The following SLC9A8 variants were observed in gnomAD, a reference collection of about 807,000 sequenced individuals.
The protein encoded by SLC9A8 is solute carrier family 9 member A8.
Under a neutral mutation model 66.6 loss-of-function variants are expected in SLC9A8, and 48 were observed. The ratio of observed to expected loss-of-function variants is 0.72; its 90% CI spans 0.57 to 0.92. The LOEUF is 0.92. SLC9A8 is among the 40% of genes least tolerant of loss of function. The pLI, the probability that SLC9A8 is intolerant of heterozygous loss-of-function variation, is 0.00. For synonymous variants in SLC9A8, 274 were observed against 282.6 expected (o/e 0.97, Z 0.31); for missense variants, 599 against 747.3 (o/e 0.80, Z 2.31).
intron 2 of SLC9A8, among the ~76,000 whole-genome samples, chr20:49,816,538 A>G (rs957235947): frequency 4.6e-5 from 7 of 152,214 alleles, no homozygotes; most frequent in Admixed American, 2.6e-4. Context: ...ATATAAGACT[A>G]GAGACTGATA....
intron 3 of SLC9A8, among the ~76,000 whole-genome samples, chr20:49,827,646 C>T (rs1244096862): frequency 1.3e-5 from 2 of 151,026 alleles, no homozygotes; most frequent in South Asian, 2.1e-4. Flanking sequence ...TACTTGTAAG[C>T]GTATGGCCAG....
rs1188775227 is a variant in SLC9A8, at chr20:49,886,571, T to C, written c.1492-181T>C. 3.0e-5 allele frequency: 19 copies of C among 639,992 alleles called. No homozygotes were observed. 39.6% of individuals were successfully genotyped at this position (639,992 alleles called of 1,614,324 possible). ...GTCCTGGGCATCCATTGTGCCCTGA[T>C]GGACGTTCCTGCCTCCCTGCAGGCT... On this transcript the variant is annotated intron_variant, in intron 14 of 15. Coordinates refer to ENST00000361573, the MANE Select transcript of SLC9A8 (RefSeq NM_015266.3). This position sits in a 1 kb window ranked among gnomAD's most constrained non-coding sequence, Gnocchi z 4.8.
At chr20:49,885,406 G>A (rs2089854352) in intron 14 of SLC9A8, among the ~76,000 whole-genome samples, 1 of 152,174 alleles carries the variant, frequency 6.6e-6, no homozygotes, top group African/African-American at 2.4e-5. Flanking sequence ...GCCCACTGCA[G>A]CCCAGACCTC....
At chr20:49,845,989 C>A (rs1367450798) in intron 5 of SLC9A8, among the ~76,000 whole-genome samples, 1 of 152,192 alleles carries the variant, frequency 6.6e-6, no homozygotes, top group Non-Finnish European at 1.5e-5. Context: ...CACACGCCAC[C>A]TTGCCCGGCT....
intron 1 of SLC9A8, among the ~76,000 whole-genome samples, chr20:49,813,176 A>G (rs535753702): frequency 1.8e-4 from 28 of 152,358 alleles, no homozygotes; most frequent in African/African-American, 6.5e-4. Context: ...TCTACTGCCC[A>G]GCGCAGGCCC....
At chr20:49,844,966 C>T (rs1196996423) in intron 4 of SLC9A8, 70 bp from the exon 5 acceptor site, 3 of 1,126,194 alleles carry the variant, frequency 2.7e-6, no homozygotes, top group African/African-American at 1.5e-5. Context: ...TATTTTGGCT[C>T]TTTATTGATT....
intron 8 of SLC9A8, among the ~76,000 whole-genome samples, chr20:49,859,482 C>CTT (rs3092482): frequency 1.9e-4 from 28 of 143,656 alleles, no homozygotes; most frequent in African/African-American, 7.1e-4. Flanking sequence ...CCCCCTCCAC[C>CTT]TTTTTTTTTT....
At chr20:49,883,311 G>A (rs1032891932) in intron 13 of SLC9A8, among the ~76,000 whole-genome samples, 6 of 152,144 alleles carry the variant, frequency 3.9e-5, no homozygotes, top group African/African-American at 1.2e-4. Context: ...ACAGCATCTC[G>A]AGATAGGAGG....
chr20:49,856,715 C>T (rs1197495776), intron 8 of SLC9A8, among the ~76,000 whole-genome samples: 4 of 151,266 alleles, frequency 2.6e-5, no homozygotes, highest in African/African-American at 7.3e-5. Context: ...CCAGCTACTC[C>T]GGAGGCTGAG....
intron 8 of SLC9A8, among the ~76,000 whole-genome samples, chr20:49,858,920 T>C (rs895147480): frequency 2.0e-5 from 3 of 149,538 alleles, no homozygotes. Context: ...ATCGCACCAC[T>C]GCACTCCAGC....
chr20:49,830,077 T>G, intron 3 of SLC9A8: 1 of 728,308 alleles, frequency 1.4e-6, no homozygotes, highest in South Asian at 1.3e-5. Context: ...ATGCAGATCC[T>G]CATTTCCATC....
chr20:49,837,215 C>T (rs549255578), intron 3 of SLC9A8, among the ~76,000 whole-genome samples: 15 of 152,342 alleles, frequency 9.8e-5, no homozygotes, highest in Non-Finnish European at 1.5e-4. Flanking sequence ...CCAGACCAAA[C>T]CAATGTACAT....
intron 2 of SLC9A8, among the ~76,000 whole-genome samples, chr20:49,819,270 G>C (rs1466367036): frequency 6.6e-6 from 1 of 152,158 alleles, no homozygotes; most frequent in Non-Finnish European, 1.5e-5. Flanking sequence ...ATTACTCCAG[G>C]CATGAAAAAT....
At chr20:49,882,779 T>C (rs976223761) in intron 13 of SLC9A8, among the ~76,000 whole-genome samples, 8 of 152,194 alleles carry the variant, frequency 5.3e-5, no homozygotes, top group Admixed American at 4.6e-4. Context: ...TTAAAGCACA[T>C]TACATGTCCC....
At position 49,877,126 on chromosome 20, in the gene SLC9A8, GAA is replaced by G. The variant is rs113268405; in HGVS notation, c.1076-837_1076-836del. 7.6e-4 allele frequency among the ~76,000 whole-genome samples: 85 copies of G among 112,164 alleles called. 1 individual carries two copies. The highest frequency in any genetic ancestry group is 1.5e-3 in the Admixed American group (16 of 10,366). The allele number at this position is 112,164 out of a possible 152,430, so 73.6% of individuals were successfully genotyped here. A position where few individuals can be genotyped will look rare whatever the true frequency, so the allele number is the denominator to read the frequency against. On this transcript the variant is annotated intron_variant, in intron 11 of 15. Coordinates refer to ENST00000361573, the MANE Select transcript of SLC9A8 (RefSeq NM_015266.3). ...AACACAGTGAAACCCTGTCTCTACT[GAA>G]AAAAAAAAAAAAAAAAATAGCTGGG...
intron 12 of SLC9A8, among the ~76,000 whole-genome samples, chr20:49,880,310 C>T (rs1427034402): frequency 6.6e-6 from 1 of 150,802 alleles, no homozygotes; most frequent in African/African-American, 2.4e-5. Context: ...CTGTACTTTG[C>T]CAAGACTAAC....
Position 49,858,912 on chromosome 20 carries a change from C to T in SLC9A8, c.713+3331C>T, listed in dbSNP as rs578112170. Among the ~76,000 whole-genome samples, 184 of 150,852 alleles carry T rather than the reference C, an allele frequency of 1.2e-3. 2 individuals carry two copies. Among genetic ancestry groups the T allele is most frequent in the South Asian group, 1.5e-3 (7 of 4,774 alleles). ...GGCGGAGGTTGTAGTGAGCCGAGAT[C>T]GCACCACTGCACTCCAGCCAGAGCG... On this transcript the variant is annotated intron_variant, in intron 8 of 15. Coordinates refer to ENST00000361573, the MANE Select transcript of SLC9A8 (RefSeq NM_015266.3).
chr20:49,834,177 C>CTATA (rs2087340001), intron 3 of SLC9A8, among the ~76,000 whole-genome samples: 7 of 56,964 alleles, frequency 1.2e-4, no homozygotes, highest in Non-Finnish European at 2.1e-4. Flanking sequence ...CTCTCTCTCT[C>CTATA]TCTCTCTCTA....
In SLC9A8 at chr20:49,886,656, G is replaced by C. The variant is rs1410450222; in HGVS notation, c.1492-96G>C. 2 of 1,436,214 alleles carry C rather than the reference G, an allele frequency of 1.4e-6. No homozygotes were observed. The highest frequency in any genetic ancestry group is 1.9e-6 in the Non-Finnish European group (2 of 1,050,710). 89.0% of individuals were successfully genotyped at this position (1,436,214 alleles called of 1,614,324 possible). A position where few individuals can be genotyped will look rare whatever the true frequency, so the allele number is the denominator to read the frequency against. On this transcript the variant is annotated intron_variant, in intron 14 of 15. Transcript: ENST00000361573. The surrounding 1 kb of genome is among the most constrained non-coding windows in gnomAD (Gnocchi z 4.8). ...TGATGGTCAAGTGGAGTTAGGGTTG[G>C]GGACACTGGCGGCCTGGGTGGTGTG...
Sources: gnomAD v4.1 joint callset for allele counts (sites outside exome capture counted in the v4.1 genomes callset) on GRCh38, gnomAD v4.1.1 for gene constraint, Gnocchi (gnomAD v3.1) non-coding constraint, MANE v1.5 for transcripts, NCBI Gene and HGNC (gene_info 2026-07-23, HGNC 2026-07-21) for gene names.